The following RAD51D variants were observed in gnomAD, a reference collection of about 807,000 sequenced individuals.
RAD51D encodes the protein DNA repair protein RAD51 homolog 4.
Under a neutral mutation model 44.1 loss-of-function variants are expected in RAD51D, and 38 were observed. The ratio of observed to expected loss-of-function variants is 0.86; its 90% CI spans 0.67 to 1.13. The LOEUF is 1.13. RAD51D is among the 50% of genes most tolerant of loss of function. The pLI, the probability that RAD51D is intolerant of heterozygous loss-of-function variation, is 0.00. For synonymous variants in RAD51D, 141 were observed against 166.6 expected (o/e 0.85, Z 1.18); for missense variants, 390 against 414.0 (o/e 0.94, Z 0.50).
At position 35,095,042 on chromosome 17, in the gene RAD51D, T is replaced by A. The variant is rs1030137400; in HGVS notation, c.*5911A>T. 2.0e-5 allele frequency: 3 copies of A among 152,276 alleles called. No individual in the cohort carries two copies. Among genetic ancestry groups the A allele is most frequent in the African/African-American group, 7.2e-5 (3 of 41,442 alleles). The allele number at this position is 152,276 out of a possible 1,614,324, so 9.4% of individuals were successfully genotyped here. ...TCCCCAGCCTCAGCTCCAGGGCTATTTCCTAGTTGGTTTGAGTCAATCACA... is the reference window on the plus strand; with the variant it reads ...TCCCCAGCCTCAGCTCCAGGGCTATATCCTAGTTGGTTTGAGTCAATCACA... On this transcript the variant is annotated 3_prime_UTR_variant, in exon 10 of 10. Transcript: ENST00000345365.
Position 35,115,203 on chromosome 17 carries a change from C to T in RAD51D, c.263+3298G>A, listed in dbSNP as rs141248529. 589 of 494,864 alleles carry T rather than the reference C, an allele frequency of 1.2e-3. 4 individuals carry two copies. The highest frequency in any genetic ancestry group is 0.011 in the African/African-American group (544 of 51,772). The allele number at this position is 494,864 out of a possible 1,614,324, so 30.7% of individuals were successfully genotyped here. On this transcript the variant is annotated intron_variant, in intron 3 of 9. Transcript: ENST00000345365. Reference sequence around the variant, plus strand: ...CCTAGAATACAGGTGATTTCTGGGACTTATCCTCTGCCTTTCCCTCTGAAC... The same window carrying T: ...CCTAGAATACAGGTGATTTCTGGGATTTATCCTCTGCCTTTCCCTCTGAAC...
In RAD51D at chr17:35,101,283, G is replaced by A. The variant is rs730881951; in HGVS notation, c.821C>T (p.Thr274Ile). ...CTCGATGGTGTCCAGGAGAATCCGA[G>A]TGCTGGGCACAAAGCTCCAGGAGCG... The part of the protein sequence containing the change: ...LGRSWSFVPS[T>I]RILLDTIEGA... The change falls in exon 9 of 10, where the codon ACT (threonine) becomes ATT (isoleucine). Residue 274 changes from threonine to isoleucine, a missense_variant. Physicochemically the swap from Thr to Ile is moderately conservative, Grantham distance 89. Transcript: ENST00000345365. The A allele has an allele frequency of 6.2e-7, 1 of 1,614,186 alleles. No homozygotes were observed. The highest frequency in any genetic ancestry group is 1.6e-4 in the Middle Eastern group (1 of 6,062).
chr17:35,109,155 C>T (rs923920016), intron 3 of RAD51D, among the ~76,000 whole-genome samples: 3 of 152,148 alleles, frequency 2.0e-5, no homozygotes, highest in African/African-American at 7.2e-5. Flanking sequence ...ACATGAGCCA[C>T]CGTGCCTGGC....
chr17:35,119,194 C>A (rs771288215), intron 1 of RAD51D, 22 bp from the exon 2 acceptor site: 1 of 1,607,176 alleles, frequency 6.2e-7, no homozygotes, highest in Non-Finnish European at 8.5e-7. Context: ...ACACGTATAG[C>A]GGATTGGCAG....
chr17:35,103,162 G>A lies in RAD51D; in HGVS notation c.738+92C>T, dbSNP rs1475053178. ...CTGGGATATGTCCCTTTCCTAAAGGGCCACTTTGGGGTTCAGAAGCTGACA... is the reference window on the plus strand; with the variant it reads ...CTGGGATATGTCCCTTTCCTAAAGGACCACTTTGGGGTTCAGAAGCTGACA... On this transcript the variant is annotated intron_variant, in intron 8 of 9. Coordinates refer to ENST00000345365, the MANE Select transcript of RAD51D (RefSeq NM_002878.4). The surrounding 1 kb of genome is among the most constrained non-coding windows in gnomAD (Gnocchi z 4.1). 1 of 1,299,732 alleles carries A rather than the reference G, an allele frequency of 7.7e-7. No individual in the cohort carries two copies. Among genetic ancestry groups the A allele is most frequent in the East Asian group, 2.5e-5 (1 of 39,832 alleles). The allele number at this position is 1,299,732 out of a possible 1,614,324, so 80.5% of individuals were successfully genotyped here.
At chr17:35,119,496 C>T (rs754585957) in intron 1 of RAD51D, 36 bp downstream of exon 1, 1 of 1,605,724 alleles carries the variant, frequency 6.2e-7, no homozygotes, top group East Asian at 2.2e-5. Context: ...TTGTGCGAGG[C>T]CCGCGCGGCT....
At chr17:35,107,869 C>T (rs2091627711) in intron 3 of RAD51D, among the ~76,000 whole-genome samples, 1 of 150,132 alleles carries the variant, frequency 6.7e-6, no homozygotes. Context: ...ATTTTCCTGC[C>T]TCAGCCTCCC....
intron 1 of RAD51D, 36 bp from the exon 2 acceptor site, chr17:35,119,208 G>C (rs775735410): frequency 6.3e-7 from 1 of 1,577,406 alleles, no homozygotes. Context: ...TTGGCAGAGA[G>C]GACTGGGGCC....
Position 35,119,584 on chromosome 17 carries a change from A to AG in RAD51D, c.29dup (p.Gly11TrpfsTer60). ...GCTGGATCATCTCCTCGGTAAGGCC[A>AG]GGGCACAGTCCGACCCTGAGCACGC... On this transcript the variant is annotated frameshift_variant, in exon 1 of 10. Coordinates refer to ENST00000345365, the MANE Select transcript of RAD51D (RefSeq NM_002878.4). LOFTEE classifies it high-confidence loss of function. The AG allele has an allele frequency of 6.2e-7, 1 of 1,612,570 alleles. No individual in the cohort carries two copies. The highest frequency in any genetic ancestry group is 8.5e-7 in the Non-Finnish European group (1 of 1,179,952).
At position 35,099,510 on chromosome 17, in the gene RAD51D, C is replaced by T. The variant is rs142388658; in HGVS notation, c.*1443G>A. The T allele has an allele frequency of 2.6e-3, 677 of 264,296 alleles. 5 individuals are homozygous for T. Among genetic ancestry groups the T allele is most frequent in the African/African-American group, 0.014 (636 of 45,612 alleles). 16.4% of individuals were successfully genotyped at this position (264,296 alleles called of 1,614,324 possible). A position where few individuals can be genotyped will look rare whatever the true frequency, so the allele number is the denominator to read the frequency against. On this transcript the variant is annotated 3_prime_UTR_variant, in exon 10 of 10. Coordinates refer to ENST00000345365, the MANE Select transcript of RAD51D (RefSeq NM_002878.4). ...ATAAAGATACTGAAGATTAATTTCT[C>T]CTGAGGTCTTCTGTGAAAGCAAGCG... is the stretch of plus-strand genomic sequence containing the variant.
At position 35,119,137 on chromosome 17, in the gene RAD51D, C is replaced by T. The variant is rs2142477463; in HGVS notation, c.118G>A (p.Ala40Thr). 1.2e-6 allele frequency: 2 copies of T among 1,614,008 alleles called. No individual in the cohort carries two copies. The highest frequency in any genetic ancestry group is 2.2e-5 in the South Asian group (2 of 91,086). The change falls in exon 2 of 10, where the codon GCT (alanine) becomes ACT (threonine). Residue 40 changes from alanine to threonine, a missense_variant. Coordinates refer to ENST00000345365, the MANE Select transcript of RAD51D (RefSeq NM_002878.4). ...DLVSADLEEV[A>T]QKCGLSYKAL... ...TTGTAAGACAAGCCACATTTCTGAG[C>T]TACCTCTTCCAGGTCTGCAGAAACC...
In RAD51D at chr17:35,100,587, G is replaced by A. The variant is rs12947947; in HGVS notation, c.*366C>T. The A allele has an allele frequency of 0.03, 16,724 of 551,450 alleles. 1,194 individuals are homozygous for A. Among genetic ancestry groups the A allele is most frequent in the African/African-American group, 0.19 (10,267 of 54,250 alleles). 34.2% of individuals were successfully genotyped at this position (551,450 alleles called of 1,614,324 possible). ...GAGGCTTTCCCGGCTTGGCCACTGC[G>A]CTAGGAGGGAGCACAGGACACAATG... On this transcript the variant is annotated 3_prime_UTR_variant, in exon 10 of 10. Coordinates refer to ENST00000345365, the MANE Select transcript of RAD51D (RefSeq NM_002878.4).
At position 35,097,218 on chromosome 17, in the gene RAD51D, C is replaced by T. The variant is rs1245108561; in HGVS notation, c.*3735G>A. 2 of 152,146 alleles carry T rather than the reference C, an allele frequency of 1.3e-5. No homozygotes were observed. The highest frequency in any genetic ancestry group is 4.8e-5 in the African/African-American group (2 of 41,408). The allele number at this position is 152,146 out of a possible 1,614,324, so 9.4% of individuals were successfully genotyped here. A position where few individuals can be genotyped will look rare whatever the true frequency, so the allele number is the denominator to read the frequency against. On this transcript the variant is annotated 3_prime_UTR_variant, in exon 10 of 10. Transcript: ENST00000345365. ...CACTGCAACCTCCATCTCCCAGGTT[C>T]AAGCGATTCTCATGCCTCAGCCTCC...
At position 35,100,092 on chromosome 17, in the gene RAD51D, A is replaced by G. The variant is rs1213857573; in HGVS notation, c.*861T>C. The G allele has an allele frequency of 3.8e-6, 2 of 533,196 alleles. No individual in the cohort carries two copies. The highest frequency in any genetic ancestry group is 2.2e-5 in the Admixed American group (1 of 45,012). The allele number at this position is 533,196 out of a possible 1,614,324, so 33.0% of individuals were successfully genotyped here. On this transcript the variant is annotated 3_prime_UTR_variant, in exon 10 of 10. Coordinates refer to ENST00000345365, the MANE Select transcript of RAD51D (RefSeq NM_002878.4). Reference sequence around the variant, plus strand: ...AATTCTCCTCTGTCTGTTTATGGGCAAGGCCATGGTTCAGCACCTCTGGTT... The same window carrying G: ...AATTCTCCTCTGTCTGTTTATGGGCGAGGCCATGGTTCAGCACCTCTGGTT...
Position 35,094,515 on chromosome 17 carries a change from G to A in RAD51D, c.*6438C>T, listed in dbSNP as rs956979288. On this transcript the variant is annotated 3_prime_UTR_variant, in exon 10 of 10. Transcript: ENST00000345365. Reference sequence around the variant, plus strand: ...TCATTCTTTTGTAACTTCCCTGGGGGAAATCAGAAAGAGCTGAGAAGTAGA... The same window carrying A: ...TCATTCTTTTGTAACTTCCCTGGGGAAAATCAGAAAGAGCTGAGAAGTAGA... 2.2e-4 allele frequency: 33 copies of A among 152,184 alleles called. No individual in the cohort carries two copies. Among genetic ancestry groups the A allele is most frequent in the African/African-American group, 6.3e-4 (26 of 41,432 alleles). 9.4% of individuals were successfully genotyped at this position (152,184 alleles called of 1,614,324 possible). A position where few individuals can be genotyped will look rare whatever the true frequency, so the allele number is the denominator to read the frequency against.
chr17:35,119,063 C>T, intron 2 of RAD51D, 48 bp downstream of exon 2: 1 of 1,577,686 alleles, frequency 6.3e-7, no homozygotes, highest in South Asian at 1.1e-5. Flanking sequence ...TTGGGATGGA[C>T]TTTTTAAAAA....
intron 1 of RAD51D, 108 bp from the exon 2 acceptor site, chr17:35,119,280 G>T: frequency 1.8e-6 from 2 of 1,084,268 alleles, no homozygotes; most frequent in Non-Finnish European, 2.8e-6. Flanking sequence ...CCGGCAGGCC[G>T]TCTCAGGAGG....
chr17:35,117,868 C>T (rs558354371), intron 3 of RAD51D, among the ~76,000 whole-genome samples: 1 of 152,150 alleles, frequency 6.6e-6, no homozygotes, highest in Non-Finnish European at 1.5e-5. Flanking sequence ...AAGTTCTGGG[C>T]CACATACTCC....
intron 3 of RAD51D, among the ~76,000 whole-genome samples, chr17:35,114,055 G>A (rs1215243339): frequency 7.9e-5 from 12 of 152,006 alleles, no homozygotes; most frequent in African/African-American, 1.5e-4. Flanking sequence ...GGTGGATCAC[G>A]AGGTCAGGAG....
Sources: allele counts gnomAD v4.1 joint callset (sites outside exome capture counted in the v4.1 genomes callset), GRCh38; gene constraint gnomAD v4.1.1; non-coding constraint Gnocchi (gnomAD v3.1); transcripts MANE v1.5; gene names NCBI Gene and HGNC (gene_info 2026-07-23, HGNC 2026-07-21).